C8orf34: variants seen among roughly 807,000 people sequenced by gnomAD.
The protein encoded by C8orf34 is uncharacterized protein C8orf34.
In C8orf34, 65 loss-of-function variants were observed where a neutral mutation model predicts 68.3. The observed-to-expected ratio is 0.95, with a 90% CI of 0.78 to 1.17. C8orf34 has a LOEUF of 1.17. Among genes scored for constraint, C8orf34 ranks in the 50% most tolerant of loss-of-function variants. The probability of loss-of-function intolerance (pLI) is 0.00; values close to 1 mark genes in which losing one functional copy is unlikely to be tolerated. For synonymous variants in C8orf34, 244 were observed against 241.2 expected, an observed-to-expected ratio of 1.01 and a Z score of -0.11; for missense variants, 664 against 655.4, an observed-to-expected ratio of 1.01 and a Z score of -0.14.
intron 3 of C8orf34, among the ~76,000 whole-genome samples, chr8:68,464,008 A>G (rs1331953151): frequency 1.7e-3 from 253 of 152,082 alleles, no homozygotes; most frequent in African/African-American, 5.3e-3. Context: ...AATTGTCCCC[A>G]TTTGCAGATG....
At chr8:68,622,954 TG>T (rs1384208189) in intron 7 of C8orf34, among the ~76,000 whole-genome samples, 1 of 152,208 alleles carries the variant, frequency 6.6e-6, no homozygotes, top group Non-Finnish European at 1.5e-5. Flanking sequence ...AATACTGGAC[TG>T]GTGTTATGGT....
intron 1 of C8orf34, among the ~76,000 whole-genome samples, chr8:68,405,831 ATTTTCC>A (rs1809167720): frequency 6.6e-6 from 1 of 152,120 alleles, no homozygotes; most frequent in Admixed American, 6.6e-5. Context: ...GCTCTGTACT[ATTTTCC>A]TTTATAATGA....
At chr8:68,810,341 G>C (rs938129928) in intron 12 of C8orf34, among the ~76,000 whole-genome samples, 10 of 152,210 alleles carry the variant, frequency 6.6e-5, no homozygotes, top group Non-Finnish European at 1.3e-4. Context: ...GGCTGGACTA[G>C]GCATACTGCA....
At chr8:68,618,480 G>T (rs953862693) in intron 7 of C8orf34, among the ~76,000 whole-genome samples, 3 of 152,018 alleles carry the variant, frequency 2.0e-5, no homozygotes, top group African/African-American at 7.3e-5. Context: ...TTCCCAAGTA[G>T]CTGGAACCAC....
chr8:68,794,596 C>G (rs868766340), intron 12 of C8orf34, among the ~76,000 whole-genome samples: 1 of 146,618 alleles, frequency 6.8e-6, no homozygotes, highest in Admixed American at 6.8e-5. Context: ...CCTCAACCTT[C>G]TGGGGCCAAG....
In C8orf34 at chr8:68,426,874, A is replaced by AAAACCAAACC. The variant is rs55834572; in HGVS notation, c.328-12605_328-12596dup. 8.3e-3 allele frequency among the ~76,000 whole-genome samples: 1,253 copies of AAAACCAAACC among 151,070 alleles called. 27 individuals are homozygous for AAAACCAAACC. Among genetic ancestry groups the AAAACCAAACC allele is most frequent in the African/African-American group, 0.028 (1,146 of 40,838 alleles). ...ACAAGAGTGAAACTCCGTCTAAAAA[A>AAAACCAAACC]AAACCAAACCAAACCAAACCAAACC... On this transcript the variant is annotated intron_variant, in intron 1 of 13. Transcript: ENST00000518698.
chr8:68,503,805 C>A (rs1224303476), intron 5 of C8orf34, among the ~76,000 whole-genome samples: 1 of 151,632 alleles, frequency 6.6e-6, no homozygotes, highest in Non-Finnish European at 1.5e-5. Context: ...GGGTTCTGAT[C>A]CTTCATTTGT....
chr8:68,774,328 T>TATATATATA (rs1415039037), intron 10 of C8orf34, among the ~76,000 whole-genome samples: 1 of 125,278 alleles, frequency 8.0e-6, no homozygotes, highest in African/African-American at 4.4e-5. Flanking sequence ...TATGGGTGTG[T>TATATATATA]GTGTATATAT....
intron 8 of C8orf34, among the ~76,000 whole-genome samples, chr8:68,664,004 AG>A (rs915319140): frequency 2.0e-5 from 3 of 152,194 alleles, no homozygotes; most frequent in Non-Finnish European, 4.4e-5. Context: ...TGTCACCGGA[AG>A]GGGAAAAAGG....
rs1814765309 is a variant in C8orf34 at position 68,521,786 on chromosome 8, T to C, written c.766-13T>C. The C allele has an allele frequency of 1.2e-6, 2 of 1,606,202 alleles. No homozygotes were observed. The highest frequency in any genetic ancestry group is 1.7e-5 in the Admixed American group (1 of 59,088). On this transcript the variant is annotated splice_polypyrimidine_tract_variant and intron_variant, in intron 5 of 13. Coordinates refer to ENST00000518698, the MANE Select transcript of C8orf34 (RefSeq NM_052958.4). ...AAGCCATCTAAGACAGCATATTCTT[T>C]TCTTCTCTTCAGGAAACAGTGACAT... is the stretch of plus-strand genomic sequence containing the variant.
chr8:68,757,423 A>G (rs968503002), intron 10 of C8orf34, among the ~76,000 whole-genome samples: 1 of 152,132 alleles, frequency 6.6e-6, no homozygotes, highest in African/African-American at 2.4e-5. Context: ...TGAGGTCAGG[A>G]GTTCAAGACC....
chr8:68,493,349 C>G (rs2129632006), intron 5 of C8orf34, among the ~76,000 whole-genome samples: 1 of 152,178 alleles, frequency 6.6e-6, no homozygotes, highest in East Asian at 1.9e-4. Flanking sequence ...AGATGATGTA[C>G]AGATGACCAA....
intron 10 of C8orf34, among the ~76,000 whole-genome samples, chr8:68,741,247 C>A (rs982158201): frequency 1.3e-5 from 2 of 152,260 alleles, no homozygotes; most frequent in African/African-American, 2.4e-5. Context: ...TAAAAAAATT[C>A]TTCCGACATT....
At chr8:68,431,789 A>G (rs1810461505) in intron 1 of C8orf34, among the ~76,000 whole-genome samples, 1 of 152,198 alleles carries the variant, frequency 6.6e-6, no homozygotes, top group Admixed American at 6.5e-5. Context: ...TATTGAAAGT[A>G]GAGAGAATTC....
At chr8:68,543,529 T>G (rs1815767945) in intron 7 of C8orf34, among the ~76,000 whole-genome samples, 1 of 152,160 alleles carries the variant, frequency 6.6e-6, no homozygotes, top group Admixed American at 6.6e-5. Flanking sequence ...TGTATATTAC[T>G]TAACAATCAC....
chr8:68,515,986 G>C (rs1160794724), intron 5 of C8orf34, among the ~76,000 whole-genome samples: 1 of 152,196 alleles, frequency 6.6e-6, no homozygotes, highest in Non-Finnish European at 1.5e-5. Flanking sequence ...ATAGATCAAT[G>C]TGCATAGATG....
intron 5 of C8orf34, among the ~76,000 whole-genome samples, chr8:68,510,701 T>C (rs7841510): frequency 0.22 from 34,020 of 152,142 alleles, 5,905 homozygotes; most frequent in African/African-American, 0.49. Context: ...CTTGGCCTGA[T>C]TATTTGCATA....
At chr8:68,638,541 G>GTATA (rs1220938255) in intron 7 of C8orf34, among the ~76,000 whole-genome samples, 1 of 152,058 alleles carries the variant, frequency 6.6e-6, no homozygotes, top group Non-Finnish European at 1.5e-5. Flanking sequence ...TGGAGCAGGA[G>GTATA]TATATCTAAA....
chr8:68,472,028 G>A (rs1373510286), intron 4 of C8orf34, among the ~76,000 whole-genome samples: 1 of 151,592 alleles, frequency 6.6e-6, no homozygotes, highest in Non-Finnish European at 1.5e-5. Flanking sequence ...TTCTGTTTCA[G>A]TAACAACTGT....
Sources: allele counts gnomAD v4.1 joint callset (sites outside exome capture counted in the v4.1 genomes callset), GRCh38; gene constraint gnomAD v4.1.1; transcripts MANE v1.5; gene names NCBI Gene and HGNC (gene_info 2026-07-23, HGNC 2026-07-21).